The following NCKAP5 variants were observed in gnomAD, a reference collection of about 807,000 sequenced individuals.
NCKAP5 encodes nck-associated protein 5.
In NCKAP5, 92 loss-of-function variants were observed where a neutral mutation model predicts 167.0. That is an observed-to-expected ratio of 0.55 (90% CI 0.47 to 0.66). The LOEUF (loss-of-function observed/expected upper bound fraction) is 0.66, where lower values mean the gene tolerates loss of function less well. Ranked by LOEUF, NCKAP5 falls within the 30% of genes least tolerant of loss-of-function variation. NCKAP5 has a pLI of 0.00. For synonymous variants in NCKAP5, 891 were observed against 877.4 expected, an observed-to-expected ratio of 1.02 and a Z score of -0.27; for missense variants, 2,378 against 2,315.0, an observed-to-expected ratio of 1.03 and a Z score of -0.56.
chr2:133,070,971 G>A (rs1315488034), intron 6 of NCKAP5, among the ~76,000 whole-genome samples: 1 of 152,152 alleles, frequency 6.6e-6, no homozygotes, highest in Admixed American at 6.5e-5. Context: ...TGGTTTAAAT[G>A]TACATGAAAG....
At chr2:133,496,995 G>A (rs929811707) in intron 3 of NCKAP5, among the ~76,000 whole-genome samples, 6 of 152,160 alleles carry the variant, frequency 3.9e-5, no homozygotes, top group African/African-American at 1.4e-4. Flanking sequence ...GTTATCAGGA[G>A]AATTACTTAG....
chr2:133,573,608 G>A, the NCKAP5 span, among the ~76,000 whole-genome samples: 1 of 152,160 alleles, frequency 6.6e-6, no homozygotes, highest in African/African-American at 2.4e-5. Context: ...CTAAGGCACT[G>A]GAAGGCTCTT....
intron 8 of NCKAP5, among the ~76,000 whole-genome samples, chr2:132,946,601 T>C (rs958107390): frequency 1.4e-4 from 22 of 152,176 alleles, no homozygotes; most frequent in African/African-American, 5.3e-4. Context: ...ATCACCTTCA[T>C]AAGTTTATAT....
At chr2:132,919,420 A>G (rs1695134758) in intron 8 of NCKAP5, among the ~76,000 whole-genome samples, 1 of 152,184 alleles carries the variant, frequency 6.6e-6, no homozygotes. Context: ...ACAGCAGCAC[A>G]TGTAGCTTGC....
chr2:133,281,229 G>C (rs1263863603), intron 4 of NCKAP5, among the ~76,000 whole-genome samples: 3 of 152,172 alleles, frequency 2.0e-5, no homozygotes, highest in Non-Finnish European at 4.4e-5. Flanking sequence ...TTAAAATACA[G>C]TGCTCCTAAT....
chr2:132,981,573 C>T (rs982602534), intron 7 of NCKAP5, among the ~76,000 whole-genome samples: 1 of 152,164 alleles, frequency 6.6e-6, no homozygotes, highest in Non-Finnish European at 1.5e-5. Context: ...CCCGGTTCAC[C>T]CAGGGAACCA....
At chr2:132,808,608 C>T (rs545658417) in intron 11 of NCKAP5, among the ~76,000 whole-genome samples, 1 of 152,196 alleles carries the variant, frequency 6.6e-6, no homozygotes, top group African/African-American at 2.4e-5. Context: ...GTTGTAATAT[C>T]TCCTGTTTCG....
At chr2:133,347,497 G>A (rs1177556015) in intron 3 of NCKAP5, among the ~76,000 whole-genome samples, 5 of 152,066 alleles carry the variant, frequency 3.3e-5, no homozygotes, top group Non-Finnish European at 7.4e-5. Context: ...AGGCTGTGGT[G>A]AGCCAAGATT....
intron 3 of NCKAP5, among the ~76,000 whole-genome samples, chr2:133,363,742 G>C (rs994576182): frequency 3.9e-5 from 6 of 152,038 alleles, no homozygotes; most frequent in African/African-American, 1.4e-4. Context: ...AAAAATACTA[G>C]ATGGACTTTT....
intron 19 of NCKAP5, among the ~76,000 whole-genome samples, chr2:132,713,575 T>C (rs1689066213): frequency 6.6e-6 from 1 of 152,064 alleles, no homozygotes; most frequent in African/African-American, 2.4e-5. Context: ...TTGCCTAAAA[T>C]ATATTGATCC....
chr2:132,794,471 A>G (rs1040657931), intron 12 of NCKAP5, among the ~76,000 whole-genome samples: 1 of 150,624 alleles, frequency 6.6e-6, no homozygotes, highest in Admixed American at 6.6e-5. Flanking sequence ...CGTCTCTACT[A>G]AAAAATACAA....
chr2:133,586,923 C>A, the NCKAP5 span, among the ~76,000 whole-genome samples: 1 of 152,142 alleles, frequency 6.6e-6, no homozygotes, highest in Non-Finnish European at 1.5e-5. Flanking sequence ...TTCTTGAACA[C>A]TAAGCAGGCA....
chr2:133,088,957 C>T (rs549317589), intron 6 of NCKAP5, among the ~76,000 whole-genome samples: 125 of 152,202 alleles, frequency 8.2e-4, no homozygotes, highest in Admixed American at 1.3e-3. Flanking sequence ...ACTAATAAAA[C>T]AGACCAGACT....
intron 11 of NCKAP5, among the ~76,000 whole-genome samples, chr2:132,808,289 G>T (rs1316487623): frequency 6.6e-6 from 1 of 152,014 alleles, no homozygotes; most frequent in Admixed American, 6.6e-5. Flanking sequence ...AATTAGGGAA[G>T]GTTCCTTCTT....
intron 6 of NCKAP5, among the ~76,000 whole-genome samples, chr2:133,111,872 T>C (rs1200839324): frequency 2.0e-5 from 3 of 152,100 alleles, no homozygotes; most frequent in Non-Finnish European, 4.4e-5. Flanking sequence ...AAAAAATCAC[T>C]TGAAACTTTC....
the NCKAP5 span, among the ~76,000 whole-genome samples, chr2:133,655,853 G>A: frequency 6.6e-6 from 1 of 152,134 alleles, no homozygotes; most frequent in Non-Finnish European, 1.5e-5. Flanking sequence ...GAAGGTACAC[G>A]AGCCAAAAGA....
rs1486321844 is a variant in NCKAP5 at position 133,422,190 on chromosome 2, C to T, written c.69+95268G>A. On this transcript the variant is annotated intron_variant, in intron 3 of 19. Transcript: ENST00000409261. The stretch of plus-strand genomic sequence containing the variant: ...CACTTAGAGTGACATCTCTAATGGA[C>T]CAGGCTATATCAGGAAGACAAAAGG... Among the ~76,000 whole-genome samples, 5 of 152,304 alleles carry T rather than the reference C, an allele frequency of 3.3e-5. No homozygotes were observed. In the East Asian group the frequency reaches 9.7e-4, roughly 29 times the overall value.
intron 3 of NCKAP5, among the ~76,000 whole-genome samples, chr2:133,438,709 A>G (rs1165228662): frequency 6.6e-6 from 1 of 152,184 alleles, no homozygotes; most frequent in East Asian, 1.9e-4. Flanking sequence ...AATGCAACAA[A>G]TTGTAACTCA....
chr2:132,919,094 T>C (rs1418789510), intron 8 of NCKAP5, among the ~76,000 whole-genome samples: 1 of 152,214 alleles, frequency 6.6e-6, no homozygotes, highest in Non-Finnish European at 1.5e-5. Context: ...CAGCTTCTTT[T>C]CCATCAACCT....
Sources: allele counts gnomAD v4.1 joint callset (sites outside exome capture counted in the v4.1 genomes callset), GRCh38; gene constraint gnomAD v4.1.1; transcripts MANE v1.5; gene names NCBI Gene and HGNC (gene_info 2026-07-23, HGNC 2026-07-21).